Variants in LUZP2 observed in about 807,000 individuals in gnomAD.
LUZP2 encodes the protein leucine zipper protein 2.
Under a neutral mutation model 51.6 loss-of-function variants are expected in LUZP2, and 52 were observed. The ratio of observed to expected loss-of-function variants is 1.01; its 90% CI spans 0.81 to 1.27. The LOEUF (loss-of-function observed/expected upper bound fraction) is 1.27, where lower values mean the gene tolerates loss of function less well. LUZP2 is among the 50% of genes most tolerant of loss of function. The pLI, the probability that LUZP2 is intolerant of heterozygous loss-of-function variation, is 0.00. For synonymous variants in LUZP2, 154 were observed against 137.3 expected (o/e 1.12, Z -0.85); for missense variants, 436 against 395.4 (o/e 1.10, Z -0.87).
chr11:24,695,278 A>G (rs1200192169), intron 1 of LUZP2, among the ~76,000 whole-genome samples: 3 of 152,112 alleles, frequency 2.0e-5, no homozygotes, highest in Admixed American at 2.0e-4. Context: ...ACATGTGGGT[A>G]AGTGACTAAA....
chr11:24,963,407 G>T (rs1855478813), intron 7 of LUZP2, among the ~76,000 whole-genome samples: 1 of 152,204 alleles, frequency 6.6e-6, no homozygotes, highest in Non-Finnish European at 1.5e-5. Flanking sequence ...TTGAGCTGTG[G>T]TGGGCTCCAC....
At chr11:24,505,494 T>G (rs1440103331) in intron 1 of LUZP2, among the ~76,000 whole-genome samples, 4 of 152,194 alleles carry the variant, frequency 2.6e-5, no homozygotes. Context: ...GTATAAAGAA[T>G]AGCATCCAGC....
intron 9 of LUZP2, among the ~76,000 whole-genome samples, chr11:25,044,224 T>C (rs1280924993): frequency 4.1e-4 from 26 of 62,778 alleles, no homozygotes; most frequent in Admixed American, 4.0e-3. Flanking sequence ...TATATATGTG[T>C]GTGTATGTGT....
At chr11:24,730,183 T>C (rs1360557064) in intron 2 of LUZP2, among the ~76,000 whole-genome samples, 2 of 151,700 alleles carry the variant, frequency 1.3e-5, no homozygotes, top group African/African-American at 4.8e-5. Flanking sequence ...CTGAGGCTTA[T>C]TGAACATGGT....
At chr11:24,724,106 C>T (rs1463037550) in intron 1 of LUZP2, among the ~76,000 whole-genome samples, 9 of 152,168 alleles carry the variant, frequency 5.9e-5, no homozygotes, top group Middle Eastern at 3.4e-3. Flanking sequence ...CTTAAATTTC[C>T]GAGGTGTTTA....
chr11:24,503,614 C>A (rs74758337), intron 1 of LUZP2, among the ~76,000 whole-genome samples: 9,831 of 152,162 alleles, frequency 0.065, 342 homozygotes, highest in Middle Eastern at 0.11. Context: ...ACGATTGGGA[C>A]ACATATTGTG....
At chr11:24,982,923 A>C (rs1856078059) in intron 8 of LUZP2, among the ~76,000 whole-genome samples, 1 of 151,978 alleles carries the variant, frequency 6.6e-6, no homozygotes, top group Non-Finnish European at 1.5e-5. Context: ...TTCAAAATAT[A>C]TCATGAAATG....
chr11:24,512,210 T>C (rs61875595), intron 1 of LUZP2, among the ~76,000 whole-genome samples: 14,173 of 152,238 alleles, frequency 0.093, 672 homozygotes, highest in African/African-American at 0.11. Context: ...TGGAATGTGG[T>C]GGTTGTCACA....
chr11:24,747,359 A>G (rs10834472), intron 4 of LUZP2, among the ~76,000 whole-genome samples: 36,932 of 151,968 alleles, frequency 0.24, 5,094 homozygotes, highest in African/African-American at 0.38. Context: ...GCTCTGGGCC[A>G]GTACTGGGGG....
rs185817615 is a variant in LUZP2 at position 24,733,000 on chromosome 11, T to C, written c.251+812T>C. 2.0e-5 allele frequency among the ~76,000 whole-genome samples: 3 copies of C among 151,554 alleles called. No homozygotes were observed. In the East Asian group the frequency reaches 5.8e-4, roughly 29 times the overall value. On this transcript the variant is annotated intron_variant, in intron 3 of 11. Coordinates refer to ENST00000336930, the MANE Select transcript of LUZP2 (RefSeq NM_001009909.4). ...TACAGCTCCACCTTACCAGTTTGGC[T>C]CACTGATCACAACGCAAAAAACTGT...
At chr11:24,580,356 T>G (rs1272317627) in intron 1 of LUZP2, among the ~76,000 whole-genome samples, 4 of 152,132 alleles carry the variant, frequency 2.6e-5, no homozygotes, top group Admixed American at 2.6e-4. Flanking sequence ...TGTGTATCAG[T>G]TGCCTACAAT....
chr11:24,991,396 G>GTATATATATATATATATATA (rs58483878), intron 9 of LUZP2, among the ~76,000 whole-genome samples: 5 of 124,954 alleles, frequency 4.0e-5, no homozygotes, highest in Admixed American at 1.8e-4. Flanking sequence ...GTGTGTGTGT[G>GTATATATATATATATATATA]TATATATATA....
At chr11:24,605,450 T>C (rs1290583911) in intron 1 of LUZP2, among the ~76,000 whole-genome samples, 1 of 151,708 alleles carries the variant, frequency 6.6e-6, no homozygotes, top group Non-Finnish European at 1.5e-5. Context: ...CAAATTTGTT[T>C]CCTTTTTAAA....
chr11:25,006,685 G>A (rs1425170573), intron 9 of LUZP2, among the ~76,000 whole-genome samples: 2 of 152,162 alleles, frequency 1.3e-5, no homozygotes, highest in Non-Finnish European at 2.9e-5. Context: ...TCACCACTTG[G>A]CGATAGTCGA....
chr11:24,527,115 GT>G (rs1178370362), intron 1 of LUZP2, among the ~76,000 whole-genome samples: 1 of 151,270 alleles, frequency 6.6e-6, no homozygotes, highest in Admixed American at 6.6e-5. Context: ...TCTTAGCCAG[GT>G]TTCTTTGACA....
chr11:24,658,316 A>T (rs537027149), intron 1 of LUZP2, among the ~76,000 whole-genome samples: 1 of 152,190 alleles, frequency 6.6e-6, no homozygotes, highest in Admixed American at 6.6e-5. Context: ...CAAAAACAAG[A>T]CATGGGGAAA....
chr11:24,710,696 T>C lies in LUZP2; in HGVS notation c.63-18473T>C, dbSNP rs548391444. Among the ~76,000 whole-genome samples, 10 of 152,338 alleles carry C rather than the reference T, an allele frequency of 6.6e-5. No homozygotes were observed. The East Asian group carries it at 1.7e-3, about 26-fold the overall frequency. The stretch of plus-strand genomic sequence containing the variant: ...CTTGAATTATCCATTAAGAGTATTA[T>C]ATATCACAACCCCCATCTTGTAACC... On this transcript the variant is annotated intron_variant, in intron 1 of 11. Coordinates refer to ENST00000336930, the MANE Select transcript of LUZP2 (RefSeq NM_001009909.4).
intron 5 of LUZP2, chr11:24,891,268 C>A: frequency 2.0e-6 from 2 of 983,860 alleles, no homozygotes; most frequent in Non-Finnish European, 2.4e-6. Flanking sequence ...GTGAAAATAT[C>A]ATTAGTCATA....
At chr11:24,712,765 C>T (rs777523367) in intron 1 of LUZP2, among the ~76,000 whole-genome samples, 1 of 152,140 alleles carries the variant, frequency 6.6e-6, no homozygotes, top group Non-Finnish European at 1.5e-5. Flanking sequence ...AGAAGACAGT[C>T]TTTGTCAATG....
Sources: allele counts gnomAD v4.1 joint callset (sites outside exome capture counted in the v4.1 genomes callset), GRCh38; gene constraint gnomAD v4.1.1; transcripts MANE v1.5; gene names NCBI Gene and HGNC (gene_info 2026-07-23, HGNC 2026-07-21).